REXO1: variants seen among roughly 807,000 people sequenced by gnomAD.
The protein encoded by REXO1 is RNA exonuclease 1 homolog, also known as REX1, RNA exonuclease 1 homolog.
Under a neutral mutation model 102.6 loss-of-function variants are expected in REXO1, and 42 were observed. The observed-to-expected ratio is 0.41, with a 90% CI of 0.32 to 0.53. The LOEUF (loss-of-function observed/expected upper bound fraction) is 0.53, where lower values mean the gene tolerates loss of function less well. Among genes scored for constraint, REXO1 ranks in the 20% least tolerant of loss-of-function variants. The pLI, the probability that REXO1 is intolerant of heterozygous loss-of-function variation, is 0.27. For synonymous variants in REXO1, 908 were observed against 779.1 expected (o/e 1.17, Z -2.76); for missense variants, 1,819 against 1,732.5 (o/e 1.05, Z -0.89).
At chr19:1,839,497 C>T (rs972610025) in intron 1 of REXO1, among the ~76,000 whole-genome samples, 1 of 152,204 alleles carries the variant, frequency 6.6e-6, no homozygotes, top group African/African-American at 2.4e-5. Flanking sequence ...AGGATGGGTG[C>T]CGTGGCGCCT....
intron 1 of REXO1, 23 bp from the exon 2 acceptor site, chr19:1,828,654 C>T (rs1222224724): frequency 6.4e-7 from 1 of 1,573,346 alleles, no homozygotes; most frequent in Admixed American, 1.7e-5. Flanking sequence ...GAGAGCACAG[C>T]TGTGACCAGC....
At chr19:1,842,140 G>A in intron 1 of REXO1, among the ~76,000 whole-genome samples, 1 of 151,912 alleles carries the variant, frequency 6.6e-6, no homozygotes, top group East Asian at 1.9e-4. Flanking sequence ...GAATCCAGGA[G>A]GCGGAGGTTA....
chr19:1,820,672 C>T (rs955674234), intron 5 of REXO1, among the ~76,000 whole-genome samples: 2 of 152,150 alleles, frequency 1.3e-5, no homozygotes, highest in African/African-American at 4.8e-5. Context: ...CCTAAAGTTG[C>T]TCAAAAAACA....
intron 10 of REXO1, 36 bp downstream of exon 10, chr19:1,818,446 T>G: frequency 4.7e-6 from 7 of 1,501,760 alleles, no homozygotes; most frequent in African/African-American, 1.4e-5. Context: ...CCGGGGGCCA[T>G]GGGTGGGAAG....
intron 1 of REXO1, among the ~76,000 whole-genome samples, chr19:1,841,458 C>A (rs1459234799): frequency 6.6e-6 from 1 of 152,212 alleles, no homozygotes; most frequent in Non-Finnish European, 1.5e-5. Flanking sequence ...CGACGCTTCC[C>A]GTCACACTCA....
rs1424640495 is a variant in REXO1 at position 1,815,947 on chromosome 19, C to T, written c.*119G>A. ...CTCTGGCCGCCAGCTCATCCCGCTG[C>T]TCTGGGCTGCCTCGGCCAGGTGGAC... On this transcript the variant is annotated 3_prime_UTR_variant, in exon 16 of 16. Coordinates refer to ENST00000170168, the MANE Select transcript of REXO1 (RefSeq NM_020695.4). This position sits in a 1 kb window ranked among gnomAD's most constrained non-coding sequence, Gnocchi z 4.0. 9.8e-6 allele frequency: 15 copies of T among 1,535,174 alleles called. No homozygotes were observed. Among genetic ancestry groups the T allele is most frequent in the African/African-American group, 1.4e-5 (1 of 73,014 alleles).
chr19:1,818,720 T>G lies in REXO1; in HGVS notation c.2888A>C (p.Lys963Thr). The stretch of plus-strand genomic sequence containing the variant: ...CAGCGACTCACAGTCCTTGGGCCTC[T>G]TCTCCTCAGCTGTGAAGATGATTGC... ...GGAIIFTAEE[K>T]RPKDSSCRTC... is the part of the protein sequence containing the mutation. Residue 963 changes from lysine to threonine, a missense_variant, in exon 9 of 16, where the codon AAG (lysine) becomes ACG (threonine). Physicochemically the swap from Lys to Thr is moderately conservative, Grantham distance 78. Coordinates refer to ENST00000170168, the MANE Select transcript of REXO1 (RefSeq NM_020695.4). 1 of 1,611,128 alleles carries G rather than the reference T, an allele frequency of 6.2e-7. No individual in the cohort carries two copies. The highest frequency in any genetic ancestry group is 8.5e-7 in the Non-Finnish European group (1 of 1,179,876).
rs2145271147 is a variant in REXO1 at position 1,826,153 on chromosome 19, C to T, written c.1912-210G>A. ...TCACACGTTCTGCAGATGCCCAAGGCTACCTCTCCTGGGCACCCAGGGCCC... is the reference window on the plus strand; with the variant it reads ...TCACACGTTCTGCAGATGCCCAAGGTTACCTCTCCTGGGCACCCAGGGCCC... On this transcript the variant is annotated intron_variant, in intron 2 of 15. Coordinates refer to ENST00000170168, the MANE Select transcript of REXO1 (RefSeq NM_020695.4). This position sits in a 1 kb window ranked among gnomAD's most constrained non-coding sequence, Gnocchi z 4.3. Among the ~76,000 whole-genome samples the T allele has an allele frequency of 6.6e-6, 1 of 152,252 alleles. No individual in the cohort carries two copies. The highest frequency in any genetic ancestry group is 1.9e-4 in the East Asian group (1 of 5,152).
At chr19:1,819,162 G>T in intron 7 of REXO1, 31 bp from the exon 8 acceptor site, 1 of 1,513,640 alleles carries the variant, frequency 6.6e-7, no homozygotes, top group Non-Finnish European at 9.0e-7. Flanking sequence ...GGAGGAGGGT[G>T]TGAAGTAGCT....
rs138736212 is a variant in REXO1, at chr19:1,826,926, G to A, written c.1863C>T (p.Asn621=). ...CCTCCGTCTTGACGCTGGTGGACTC[G>A]TTGAAGATCCGCAGGCACTCCTCCA... is the stretch of plus-strand genomic sequence containing the variant. ...DPMEECLRIF[N]ESTSVKTEDR... The change falls in exon 2 of 16, where the codon AAC becomes AAT. Residue 621 remains asparagine, a synonymous_variant. Coordinates refer to ENST00000170168, the MANE Select transcript of REXO1 (RefSeq NM_020695.4). The surrounding 1 kb of genome is among the most constrained non-coding windows in gnomAD (Gnocchi z 4.3). 4.0e-5 allele frequency: 64 copies of A among 1,583,694 alleles called. No homozygotes were observed. The highest frequency in any genetic ancestry group is 2.3e-4 in the East Asian group (10 of 43,768).
At position 1,815,686 on chromosome 19, in the gene REXO1, A is replaced by C. The variant is rs746607249; in HGVS notation, c.*380T>G. 37 of 1,322,736 alleles carry C rather than the reference A, an allele frequency of 2.8e-5. No individual in the cohort carries two copies. Among genetic ancestry groups the C allele is most frequent in the Middle Eastern group, 3.0e-4 (1 of 3,326 alleles). The allele number at this position is 1,322,736 out of a possible 1,614,324, so 81.9% of individuals were successfully genotyped here. On this transcript the variant is annotated 3_prime_UTR_variant, in exon 16 of 16. Coordinates refer to ENST00000170168, the MANE Select transcript of REXO1 (RefSeq NM_020695.4). The surrounding 1 kb of genome is among the most constrained non-coding windows in gnomAD (Gnocchi z 4.0). ...AAAATAAAAAAAGACTGTCTCAAAC[A>C]AACCTGGGACAAGCCCGCCCCGCGA...
chr19:1,831,508 C>G (rs1030780372), intron 1 of REXO1, among the ~76,000 whole-genome samples: 2 of 152,096 alleles, frequency 1.3e-5, no homozygotes, highest in African/African-American at 4.8e-5. Flanking sequence ...CCTATGGCCC[C>G]CACCCACACC....
At position 1,827,059 on chromosome 19, in the gene REXO1, G is replaced by A. The variant is rs1319765916; in HGVS notation, c.1730C>T (p.Ser577Phe). The change falls in exon 2 of 16, where the codon TCC (serine) becomes TTC (phenylalanine). Residue 577 changes from serine (S) to phenylalanine (F), a missense_variant. Transcript: ENST00000170168. ...GGAGGAGGAGGAGGATGGGGCGGGG[G>A]AGGGGGGCGGGGAGGCCTTGAGCCG... ...PKRLKASPPP[S>F]PAPSSSSSSS... The A allele has an allele frequency of 5.7e-6, 5 of 876,936 alleles. No homozygotes were observed. The South Asian group carries it at 7.1e-5, about 13-fold the overall frequency. The allele number at this position is 876,936 out of a possible 1,614,324, so 54.3% of individuals were successfully genotyped here.
intron 1 of REXO1, among the ~76,000 whole-genome samples, chr19:1,830,126 T>C (rs1422821681): frequency 6.6e-6 from 1 of 152,158 alleles, no homozygotes; most frequent in African/African-American, 2.4e-5. Flanking sequence ...AAAGAAAACA[T>C]GAGCAAGTGG....
intron 6 of REXO1, 97 bp downstream of exon 6, chr19:1,820,167 G>A: frequency 6.4e-7 from 1 of 1,560,150 alleles, no homozygotes; most frequent in South Asian, 1.2e-5. Context: ...GGCAGCTCCG[G>A]GTCACAGCTG....
intron 1 of REXO1, among the ~76,000 whole-genome samples, chr19:1,842,209 G>A (rs1485818473): frequency 3.5e-5 from 5 of 141,270 alleles, no homozygotes; most frequent in Non-Finnish European, 7.6e-5. Context: ...GCCAGATTCC[G>A]TTGCAAAAAA....
At chr19:1,846,121 C>A (rs1280936904) in intron 1 of REXO1, among the ~76,000 whole-genome samples, 3 of 151,994 alleles carry the variant, frequency 2.0e-5, no homozygotes, top group Non-Finnish European at 4.4e-5. Context: ...TATCTCCTCT[C>A]TGGAGGCCGC....
At position 1,826,023 on chromosome 19, in the gene REXO1, G is replaced by C. The variant is rs937204071; in HGVS notation, c.1912-80C>G. The C allele has an allele frequency of 1.9e-5, 19 of 1,005,690 alleles. No individual in the cohort carries two copies. The highest frequency in any genetic ancestry group is 2.8e-5 in the Non-Finnish European group (18 of 638,400). 62.3% of individuals were successfully genotyped at this position (1,005,690 alleles called of 1,614,324 possible). ...ACACCCCAACCTCAAACTGCCCCCG[G>C]CAAGTGGGGAATGGAACAGTCCAGC... On this transcript the variant is annotated intron_variant, in intron 2 of 15. Transcript: ENST00000170168. The surrounding 1 kb of genome is among the most constrained non-coding windows in gnomAD (Gnocchi z 4.3).
rs763008289 is a variant in REXO1, at chr19:1,827,816, C to T, written c.973G>A (p.Glu325Lys). Residue 325 changes from glutamate to lysine, a missense_variant, in exon 2 of 16, where the codon GAG becomes AAG. Physicochemically the swap from Glu to Lys is moderately conservative, Grantham distance 56 (BLOSUM62 1). Coordinates refer to ENST00000170168, the MANE Select transcript of REXO1 (RefSeq NM_020695.4). ...IKATGQPPSKEGLEAEGGGLR... is the reference protein window; with the variant it reads ...IKATGQPPSKKGLEAEGGGLR... ...CCGCCCCCCTCGGCCTCCAGGCCCT[C>T]TTTGGAGGGTGGCTGCCCGGTGGCC... The T allele has an allele frequency of 5.6e-6, 9 of 1,608,838 alleles. No homozygotes were observed. In the South Asian group the frequency reaches 9.9e-5, roughly 18 times the overall value.
Sources: gnomAD v4.1 joint callset for allele counts (sites outside exome capture counted in the v4.1 genomes callset) on GRCh38, gnomAD v4.1.1 for gene constraint, Gnocchi (gnomAD v3.1) non-coding constraint, MANE v1.5 for transcripts, NCBI Gene and HGNC (gene_info 2026-07-23, HGNC 2026-07-21) for gene names.